Variants in PROM1 observed in about 807,000 individuals in gnomAD.
The protein encoded by PROM1 is prominin-1.
In PROM1, 105 loss-of-function variants were observed where a neutral mutation model predicts 116.9. The observed-to-expected ratio is 0.90, with a 90% confidence interval of 0.77 to 1.06. The LOEUF (loss-of-function observed/expected upper bound fraction) is 1.06. PROM1 is among the 50% of genes least tolerant of loss of function. PROM1 has a pLI of 0.00. For synonymous variants in PROM1, 393 were observed against 387.0 expected (o/e 1.02, Z -0.18); for missense variants, 1,122 against 1,045.2 (o/e 1.07, Z -1.01).
intron 26 of PROM1, among the ~76,000 whole-genome samples, chr4:15,977,053 G>C (rs868188630): frequency 1.3e-5 from 2 of 152,136 alleles, no homozygotes; most frequent in African/African-American, 4.8e-5. Flanking sequence ...CTGCCTAGTC[G>C]GGCCAAGGCT....
rs547144236 is a variant in PROM1, at chr4:16,037,235, T to C, written c.277-1474A>G. Among the ~76,000 whole-genome samples, 39 of 152,144 alleles carry C rather than the reference T, an allele frequency of 2.6e-4. 1 individual carries two copies. The highest frequency in any genetic ancestry group is 4.7e-4 in the Non-Finnish European group (32 of 68,026). On this transcript the variant is annotated intron_variant, in intron 3 of 27. Coordinates refer to ENST00000447510, the MANE Select transcript of PROM1 (RefSeq NM_006017.3). ...ATGTTATGCTAATTTTGAATATAAA[T>C]ATAAAAGCAACTGTCATTTTCTTCC...
Position 16,075,866 on chromosome 4 carries a change from C to A in PROM1, c.41G>T (p.Cys14Phe). 6.2e-7 allele frequency: 1 copy of A among 1,613,546 alleles called. No individual in the cohort carries two copies. The highest frequency in any genetic ancestry group is 8.5e-7 in the Non-Finnish European group (1 of 1,179,744). ...VLGSLLLLGL[C>F]GNSFSGGQPS... is the part of the protein sequence containing the mutation. ...CTGCCCTCCTGAAAAGGAGTTCCCG[C>A]ACAGCCCCAGCAGCAACAGGGAGCC... is the stretch of plus-strand genomic sequence containing the variant. The change falls in exon 2 of 28, where the codon TGC becomes TTC. Residue 14 changes from cysteine to phenylalanine, a missense_variant. Coordinates refer to ENST00000447510, the MANE Select transcript of PROM1 (RefSeq NM_006017.3).
Position 16,025,224 on chromosome 4 carries a change from C to T in PROM1, c.598G>A (p.Asp200Asn). ...SRKLADSNFK[D>N]LRTLLNETPE... ...GTTTCATTCAAGAGAGTTCGCAAGT[C>T]CTTGAAATTGCTATCTGCCAGTTTC... The change falls in exon 6 of 28, where the codon GAC becomes AAC. Residue 200 changes from aspartate (D) to asparagine (N), a missense_variant. By Grantham distance (23) the Asp-to-Asn change is conservative (BLOSUM62 1). Coordinates refer to ENST00000447510, the MANE Select transcript of PROM1 (RefSeq NM_006017.3). 3 of 1,613,866 alleles carry T rather than the reference C, an allele frequency of 1.9e-6. No individual in the cohort carries two copies. The highest frequency in any genetic ancestry group is 2.7e-5 in the African/African-American group (2 of 75,038).
chr4:16,074,883 G>A (rs1163877294), intron 2 of PROM1, among the ~76,000 whole-genome samples: 3 of 152,122 alleles, frequency 2.0e-5, no homozygotes, highest in African/African-American at 4.8e-5. Context: ...AGATTACAGC[G>A]AATTCTATAA....
intron 18 of PROM1, among the ~76,000 whole-genome samples, chr4:15,990,515 C>T (rs1720705860): frequency 6.6e-6 from 1 of 152,184 alleles, no homozygotes; most frequent in Non-Finnish European, 1.5e-5. Context: ...CTATTCCCTA[C>T]ACAGCAGGAA....
At chr4:16,069,863 A>G (rs1031188996) in intron 2 of PROM1, among the ~76,000 whole-genome samples, 3 of 152,232 alleles carry the variant, frequency 2.0e-5, no homozygotes, top group Admixed American at 2.0e-4. Context: ...GATAAAGGAA[A>G]GTGATATGCA....
chr4:16,056,848 G>A (rs1739151980), intron 2 of PROM1, among the ~76,000 whole-genome samples: 1 of 152,328 alleles, frequency 6.6e-6, no homozygotes, highest in South Asian at 2.1e-4. Context: ...TGCCCATTAG[G>A]AGGCCCTGGC....
At chr4:15,985,629 A>G (rs1207292033) in intron 22 of PROM1, 131 bp downstream of exon 22, 3 of 748,398 alleles carry the variant, frequency 4.0e-6, no homozygotes, top group East Asian at 2.7e-5. Flanking sequence ...GGTCCTGCAC[A>G]TCAATGTCCT....
chr4:15,980,659 G>C, intron 23 of PROM1, 122 bp from the exon 24 acceptor site: 1 of 625,392 alleles, frequency 1.6e-6, no homozygotes, highest in Non-Finnish European at 2.6e-6. Context: ...TTGTCATTTT[G>C]TTCTTTAAAA....
At chr4:16,081,620 T>TA (rs1560641995) in intron 1 of PROM1, among the ~76,000 whole-genome samples, 2 of 152,296 alleles carry the variant, frequency 1.3e-5, no homozygotes, top group South Asian at 2.1e-4. Context: ...CTTTATCTGA[T>TA]AAAAATTACC....
Position 15,986,045 on chromosome 4 carries a change from A to C in PROM1, c.2131-8T>G. ...AATCCTAGTTACTCTCTCCTGAAAG[A>C]CACAGCCACAGTTATCAGGGTATCA... On this transcript the variant is annotated splice_region_variant and splice_polypyrimidine_tract_variant and intron_variant, in intron 20 of 27. Coordinates refer to ENST00000447510, the MANE Select transcript of PROM1 (RefSeq NM_006017.3). 6.5e-7 allele frequency: 1 copy of C among 1,543,770 alleles called. No individual in the cohort carries two copies. Among genetic ancestry groups the C allele is most frequent in the Non-Finnish European group, 8.9e-7 (1 of 1,128,996 alleles).
intron 2 of PROM1, among the ~76,000 whole-genome samples, chr4:16,064,624 T>C (rs1741098459): frequency 6.6e-6 from 1 of 152,132 alleles, no homozygotes; most frequent in Admixed American, 6.5e-5. Context: ...ATTTTTTAAA[T>C]AAAAAGAAAC....
At chr4:16,057,445 C>T (rs1159382598) in intron 2 of PROM1, among the ~76,000 whole-genome samples, 1 of 152,224 alleles carries the variant, frequency 6.6e-6, no homozygotes, top group African/African-American at 2.4e-5. Context: ...GAGACTCCTA[C>T]ATGAAGTAAT....
In PROM1 at chr4:16,006,687, C is replaced by A; in HGVS notation, c.1305G>T (p.Trp435Cys). Residue 435 changes from tryptophan (W) to cysteine (C), a missense_variant, in exon 13 of 28, where the codon TGG (tryptophan) becomes TGT (cysteine). Physicochemically the swap from Trp to Cys is radical, Grantham distance 215. Transcript: ENST00000447510. ...GAGAGCAGATGACCAGGCCACCCAG[C>A]CACCTGGAGAGGCAAGCACAGTGTT... ...PTLEEYDSYW[W>C]LGGLVICSLL... 1.2e-6 allele frequency: 2 copies of A among 1,612,708 alleles called. No homozygotes were observed. Among genetic ancestry groups the A allele is most frequent in the South Asian group, 1.1e-5 (1 of 90,582 alleles).
At chr4:16,008,729 C>T (rs185125506) in intron 12 of PROM1, among the ~76,000 whole-genome samples, 27 of 152,312 alleles carry the variant, frequency 1.8e-4, no homozygotes, top group Non-Finnish European at 3.1e-4. Context: ...AGGAGTCATG[C>T]GAACCTTCTA....
chr4:16,039,071 G>A, intron 2 of PROM1, 70 bp from the exon 3 acceptor site: 3 of 1,271,144 alleles, frequency 2.4e-6, no homozygotes, highest in Non-Finnish European at 3.1e-6. Context: ...TTTAGAAAAA[G>A]ATCTTTATAT....
chr4:16,013,514 A>G (rs952611154), intron 10 of PROM1, among the ~76,000 whole-genome samples, 176 bp from the exon 11 acceptor site: 1 of 152,214 alleles, frequency 6.6e-6, no homozygotes, highest in Non-Finnish European at 1.5e-5. Flanking sequence ...CCCTTTAGAG[A>G]GCATTGTCTT....
intron 25 of PROM1, 63 bp downstream of exon 25, chr4:15,979,818 T>C: frequency 7.6e-7 from 1 of 1,317,790 alleles, no homozygotes; most frequent in East Asian, 2.5e-5. Flanking sequence ...TTAAAGTCCA[T>C]TACATAATAA....
intron 5 of PROM1, among the ~76,000 whole-genome samples, chr4:16,028,519 T>G (rs1391237092): frequency 6.6e-6 from 1 of 152,232 alleles, no homozygotes; most frequent in African/African-American, 2.4e-5. Flanking sequence ...GCAGACCAAC[T>G]GATGGTCTCC....
Sources: allele counts gnomAD v4.1 joint callset (sites outside exome capture counted in the v4.1 genomes callset), GRCh38; gene constraint gnomAD v4.1.1; transcripts MANE v1.5; gene names NCBI Gene and HGNC (gene_info 2026-07-23, HGNC 2026-07-21).